Variants in MAP2K6 observed in about 807,000 individuals in gnomAD.
MAP2K6 encodes dual specificity mitogen-activated protein kinase kinase 6.
MAP2K6 carries 16 observed loss-of-function variants against 53.7 expected under a neutral mutation model. The observed-to-expected ratio is 0.30, with a 90% CI of 0.20 to 0.45. MAP2K6 has a LOEUF of 0.45. Ranked by LOEUF, MAP2K6 falls within the 20% of genes least tolerant of loss-of-function variation. MAP2K6 has a pLI of 1.00. For missense variants in MAP2K6, 204 were observed against 411.9 expected (o/e 0.50, Z 4.37); for synonymous variants, 132 against 143.1 (o/e 0.92, Z 0.55).
chr17:69,520,284 C>T lies in MAP2K6; in HGVS notation c.381C>T (p.Ile127=). The change falls in exon 6 of 12, where the codon ATC becomes ATT. Residue 127 remains isoleucine (I), a synonymous_variant. Transcript: ENST00000590474. ...TTGGTCTCCAGGGTGATGTGTGGAT[C>T]TGCATGGAGCTCATGGATACATCAC... The part of the protein sequence containing the change: ...GALFREGDVW[I]CMELMDTSLD... 6.3e-7 allele frequency: 1 copy of T among 1,595,456 alleles called. No homozygotes were observed. Among genetic ancestry groups the T allele is most frequent in the Non-Finnish European group, 8.6e-7 (1 of 1,167,846 alleles).
intron 2 of MAP2K6, among the ~76,000 whole-genome samples, chr17:69,512,705 A>C (rs1405475814): frequency 6.6e-6 from 1 of 152,120 alleles, no homozygotes; most frequent in Non-Finnish European, 1.5e-5. Context: ...GAGGTATTAT[A>C]CCTTGATTTC....
At chr17:69,466,091 G>C (rs1907790335) in intron 1 of MAP2K6, among the ~76,000 whole-genome samples, 1 of 139,330 alleles carries the variant, frequency 7.2e-6, no homozygotes, top group African/African-American at 2.7e-5. Flanking sequence ...TAGCCAACAT[G>C]ATGAGACCCC....
chr17:69,508,767 C>G (rs767403322), intron 2 of MAP2K6, among the ~76,000 whole-genome samples: 1 of 152,158 alleles, frequency 6.6e-6, no homozygotes, highest in Non-Finnish European at 1.5e-5. Flanking sequence ...AGCCCATGGT[C>G]CATTTTGAGT....
chr17:69,440,896 A>G (rs1321437857), intron 1 of MAP2K6, among the ~76,000 whole-genome samples: 2 of 152,144 alleles, frequency 1.3e-5, no homozygotes, highest in African/African-American at 4.8e-5. Context: ...TTTTCTGGTT[A>G]CTATGATATG....
chr17:69,492,585 G>T (rs1056229228), intron 1 of MAP2K6, among the ~76,000 whole-genome samples: 1 of 152,178 alleles, frequency 6.6e-6, no homozygotes, highest in Admixed American at 6.5e-5. Flanking sequence ...CCCTCCAGAG[G>T]CTCTGGGAGA....
intron 7 of MAP2K6, 72 bp downstream of exon 7, chr17:69,521,172 C>A (rs1910446066): frequency 7.5e-7 from 1 of 1,335,938 alleles, no homozygotes. Flanking sequence ...TCCGTCTCTA[C>A]CCCCAGTCCC....
At chr17:69,424,441 A>G (rs1906199104) in intron 1 of MAP2K6, among the ~76,000 whole-genome samples, 1 of 152,200 alleles carries the variant, frequency 6.6e-6, no homozygotes. Context: ...GAATTCTATC[A>G]TTTACTCTCA....
At chr17:69,536,260 TG>T in intron 11 of MAP2K6, 100 bp downstream of exon 11, 2 of 837,148 alleles carry the variant, frequency 2.4e-6, no homozygotes, top group Non-Finnish European at 4.0e-6. Context: ...TTGGAAGAGT[TG>T]GTTCATTGAT....
At chr17:69,541,166 G>T (rs1381349959) in intron 11 of MAP2K6, among the ~76,000 whole-genome samples, 1 of 152,182 alleles carries the variant, frequency 6.6e-6, no homozygotes, top group African/African-American at 2.4e-5. Flanking sequence ...GGGAGGCTGA[G>T]GCAGGAGAAT....
chr17:69,520,325 A>G lies in MAP2K6; in HGVS notation c.422A>G (p.Lys141Arg). The G allele has an allele frequency of 1.2e-6, 2 of 1,613,184 alleles. No homozygotes were observed. Among genetic ancestry groups the G allele is most frequent in the Non-Finnish European group, 1.7e-6 (2 of 1,179,628 alleles). ...LMDTSLDKFY[K>R]QVIDKGQTIP... ...GATACATCACTAGATAAATTCTACA[A>G]ACAAGTTATTGATAAAGGCCAGACA... Residue 141 changes from lysine to arginine, a missense_variant, in exon 6 of 12, where the codon AAA (lysine) becomes AGA (arginine). Coordinates refer to ENST00000590474, the MANE Select transcript of MAP2K6 (RefSeq NM_002758.4).
At chr17:69,512,839 T>C (rs906579764) in intron 2 of MAP2K6, among the ~76,000 whole-genome samples, 1 of 152,186 alleles carries the variant, frequency 6.6e-6, no homozygotes, top group African/African-American at 2.4e-5. Flanking sequence ...TTAATAAATA[T>C]TTCTGAATCA....
At position 69,494,963 on chromosome 17, in the gene MAP2K6, A is replaced by C. The variant is rs147761831; in HGVS notation, c.17-10817A>C. ...GAGGTTGCCGTGAGCCGAGATCGCG[A>C]CATTGCACTCCAGCCTGGGCAACAA... is the stretch of plus-strand genomic sequence containing the variant. On this transcript the variant is annotated intron_variant, in intron 1 of 11. Transcript: ENST00000590474. This position sits in a 1 kb window ranked among gnomAD's most constrained non-coding sequence, Gnocchi z 4.2. Among the ~76,000 whole-genome samples, 1,945 of 151,468 alleles carry C rather than the reference A, an allele frequency of 0.013. 38 individuals carry two copies. The highest frequency in any genetic ancestry group is 0.045 in the African/African-American group (1,838 of 41,296).
At position 69,447,614 on chromosome 17, in the gene MAP2K6, G is replaced by A. The variant is rs995074108; in HGVS notation, c.16+32614G>A. 5.9e-5 allele frequency among the ~76,000 whole-genome samples: 9 copies of A among 152,312 alleles called. No homozygotes were observed. In the South Asian group the frequency reaches 8.3e-4, roughly 14 times the overall value. On this transcript the variant is annotated intron_variant, in intron 1 of 11. Coordinates refer to ENST00000590474, the MANE Select transcript of MAP2K6 (RefSeq NM_002758.4). ...GCCCATCTTGGCCTCCCAAAGTGCTGGGATTACAGGCGTGAGCCACCATGC... is the reference window on the plus strand; with the variant it reads ...GCCCATCTTGGCCTCCCAAAGTGCTAGGATTACAGGCGTGAGCCACCATGC...
At position 69,500,447 on chromosome 17, in the gene MAP2K6, CAAAA is replaced by C. The variant is rs58712110; in HGVS notation, c.17-5309_17-5306del. On this transcript the variant is annotated intron_variant, in intron 1 of 11. Transcript: ENST00000590474. ...TGGGTGACAAAGTGAGACTCTGTCTCAAAAAAAAAAAAAAAAAAAAAAAAAAAGG... is the reference window on the plus strand; with the variant it reads ...TGGGTGACAAAGTGAGACTCTGTCTCAAAAAAAAAAAAAAAAAAAAAAAGG... 1.4e-4 allele frequency among the ~76,000 whole-genome samples: 8 copies of C among 57,624 alleles called. No individual in the cohort carries two copies. In the Admixed American group the frequency reaches 1.4e-3, roughly 10 times the overall value. 37.8% of individuals were successfully genotyped at this position (57,624 alleles called of 152,430 possible).
intron 1 of MAP2K6, among the ~76,000 whole-genome samples, chr17:69,473,197 C>A (rs1022111654): frequency 6.6e-6 from 1 of 152,144 alleles, no homozygotes; most frequent in Non-Finnish European, 1.5e-5. Context: ...CTTAAAGTCA[C>A]AGTTTTCAAG....
Position 69,508,041 on chromosome 17 carries a change from G to GTTTTTTTTTTT in MAP2K6, c.83+2212_83+2222dup, listed in dbSNP as rs71144698. On this transcript the variant is annotated intron_variant, in intron 2 of 11. Coordinates refer to ENST00000590474, the MANE Select transcript of MAP2K6 (RefSeq NM_002758.4). ...TCTGATGTGTAGTGATATATATGTAGTTTTTTTTTTTTTTTTTTTTTTTTT... is the reference window on the plus strand; with the variant it reads ...TCTGATGTGTAGTGATATATATGTAGTTTTTTTTTTTTTTTTTTTTTTTTTTTTTTTTTTTT... Among the ~76,000 whole-genome samples, 11 of 44,874 alleles carry GTTTTTTTTTTT rather than the reference G, an allele frequency of 2.5e-4. 5 individuals carry two copies. The highest frequency in any genetic ancestry group is 3.4e-4 in the African/African-American group (4 of 11,662). 29.4% of individuals were successfully genotyped at this position (44,874 alleles called of 152,430 possible). A position where few individuals can be genotyped will look rare whatever the true frequency, so the allele number is the denominator to read the frequency against.
chr17:69,539,351 CAGCCTGGTATTAT>C (rs996621498), intron 11 of MAP2K6, among the ~76,000 whole-genome samples: 62 of 152,274 alleles, frequency 4.1e-4, no homozygotes, highest in African/African-American at 1.4e-3. Flanking sequence ...TTGGGAAACC[CAGCCTGGTATTAT>C]AGTCTGAGTA....
chr17:69,416,702 A>G (rs1345280002), intron 1 of MAP2K6, among the ~76,000 whole-genome samples: 4 of 152,218 alleles, frequency 2.6e-5, no homozygotes, highest in Admixed American at 2.6e-4. Flanking sequence ...TGAAAACAAG[A>G]ATGTAAGGAA....
intron 6 of MAP2K6, chr17:69,520,630 A>G (rs879016128): frequency 1.3e-5 from 6 of 467,634 alleles, no homozygotes; most frequent in South Asian, 1.2e-4. Flanking sequence ...TTCATCAGCT[A>G]TGACCACATT....
Sources: allele counts gnomAD v4.1 joint callset (sites outside exome capture counted in the v4.1 genomes callset), GRCh38; gene constraint gnomAD v4.1.1; non-coding constraint Gnocchi (gnomAD v3.1); transcripts MANE v1.5; gene names NCBI Gene and HGNC (gene_info 2026-07-23, HGNC 2026-07-21).